TMEM132C: variants seen among roughly 807,000 people sequenced by gnomAD.
TMEM132C encodes protein phosphatase 1, regulatory subunit 152.
Under a neutral mutation model 61.4 loss-of-function variants are expected in TMEM132C, and 29 were observed. That is an observed-to-expected ratio of 0.47 (90% CI 0.35 to 0.64). TMEM132C has a LOEUF of 0.64. Among genes scored for constraint, TMEM132C ranks in the 30% least tolerant of loss-of-function variants. The pLI, the probability that TMEM132C is intolerant of heterozygous loss-of-function variation, is 0.00. For missense variants in TMEM132C, 1,408 were observed against 1,476.9 expected (o/e 0.95, Z 0.76); for synonymous variants, 656 against 633.1 (o/e 1.04, Z -0.54).
At chr12:128,614,356 G>C (rs181582974) in intron 3 of TMEM132C, among the ~76,000 whole-genome samples, 38 of 152,270 alleles carry the variant, frequency 2.5e-4, no homozygotes, top group African/African-American at 9.1e-4. Context: ...AAATATCCAA[G>C]GCTGTGCTCC....
chr12:128,495,743 G>A (rs1420497508), intron 2 of TMEM132C, among the ~76,000 whole-genome samples: 2 of 152,062 alleles, frequency 1.3e-5, no homozygotes, highest in Non-Finnish European at 2.9e-5. Flanking sequence ...CGTGAGATGG[G>A]TTTCCTGAAT....
chr12:128,487,006 T>C (rs541847430), intron 2 of TMEM132C, among the ~76,000 whole-genome samples: 18 of 152,064 alleles, frequency 1.2e-4, no homozygotes, highest in Non-Finnish European at 2.4e-4. Flanking sequence ...AGGCTGTAAA[T>C]TGCTACTCTG....
intron 3 of TMEM132C, among the ~76,000 whole-genome samples, chr12:128,572,430 T>C (rs1874925390): frequency 6.6e-6 from 1 of 151,690 alleles, no homozygotes; most frequent in African/African-American, 2.4e-5. Flanking sequence ...TGGCCTCTGA[T>C]TGGCTGGGCC....
intron 4 of TMEM132C, among the ~76,000 whole-genome samples, chr12:128,653,814 A>G (rs7315371): frequency 0.16 from 24,604 of 152,116 alleles, 3,109 homozygotes; most frequent in African/African-American, 0.35. Flanking sequence ...TTACTGCTAT[A>G]ATGGTGCTGA....
At chr12:128,612,980 G>T (rs114044362) in intron 3 of TMEM132C, among the ~76,000 whole-genome samples, 3,240 of 152,168 alleles carry the variant, frequency 0.021, 95 homozygotes, top group African/African-American at 0.074. Context: ...CTTCTATATG[G>T]TGCCTCTGAG....
chr12:128,562,240 C>T (rs879604873), intron 3 of TMEM132C, among the ~76,000 whole-genome samples: 20 of 152,112 alleles, frequency 1.3e-4, no homozygotes, highest in African/African-American at 2.7e-4. Flanking sequence ...CAGGAGAAAA[C>T]GTAGCAACAC....
intron 1 of TMEM132C, among the ~76,000 whole-genome samples, chr12:128,289,953 G>A (rs1030787512): frequency 6.6e-6 from 1 of 152,174 alleles, no homozygotes; most frequent in African/African-American, 2.4e-5. Flanking sequence ...CCCTGATGAA[G>A]ATGGGCAGGC....
intron 1 of TMEM132C, among the ~76,000 whole-genome samples, chr12:128,367,366 A>G (rs543811277): frequency 2.0e-4 from 31 of 152,206 alleles, no homozygotes; most frequent in Non-Finnish European, 4.1e-4. Context: ...TCATTATGCA[A>G]AATGGTCACC....
chr12:128,415,212 G>A lies in TMEM132C; in HGVS notation c.566G>A (p.Gly189Glu). The change falls in exon 2 of 9, where the codon GGG (glycine) becomes GAG (glutamate). Residue 189 changes from glycine (G) to glutamate (E), a missense_variant. Coordinates refer to ENST00000435159, the MANE Select transcript of TMEM132C (RefSeq NM_001136103.3). This position sits in a 1 kb window ranked among gnomAD's most constrained non-coding sequence, Gnocchi z 5.8. ...REVRGSCRLK[G>E]DLGLCVAELE... ...GTGCGGGGCAGCTGCCGGCTGAAGGGGGACCTGGGGCTGTGTGTGGCTGAG... is the reference window on the plus strand; with the variant it reads ...GTGCGGGGCAGCTGCCGGCTGAAGGAGGACCTGGGGCTGTGTGTGGCTGAG... The A allele has an allele frequency of 1.2e-6, 2 of 1,610,416 alleles. No homozygotes were observed. Among genetic ancestry groups the A allele is most frequent in the Admixed American group, 1.7e-5 (1 of 59,712 alleles).
At chr12:128,430,366 T>G (rs1406790030) in intron 2 of TMEM132C, among the ~76,000 whole-genome samples, 4 of 152,224 alleles carry the variant, frequency 2.6e-5, no homozygotes, top group African/African-American at 4.8e-5. Flanking sequence ...GAATAATCCC[T>G]GAGCAGACAA....
chr12:128,529,153 TATTA>T (rs1378147068), intron 2 of TMEM132C, among the ~76,000 whole-genome samples: 33 of 151,538 alleles, frequency 2.2e-4, no homozygotes, highest in Admixed American at 5.9e-4. Context: ...AATATTTTAT[TATTA>T]ATTAATTAGT....
At chr12:128,440,825 G>A (rs1334473329) in intron 2 of TMEM132C, among the ~76,000 whole-genome samples, 1 of 152,142 alleles carries the variant, frequency 6.6e-6, no homozygotes, top group Non-Finnish European at 1.5e-5. Context: ...GAGGTGGGCA[G>A]AAAACTTGAG....
rs73436620 is a variant in TMEM132C, at chr12:128,383,386, G to A, written c.86-31346G>A. On this transcript the variant is annotated intron_variant, in intron 1 of 8. Coordinates refer to ENST00000435159, the MANE Select transcript of TMEM132C (RefSeq NM_001136103.3). ...CCACAAGCAGTGAAATCAACTTCAC[G>A]TGGAAACACGCTCCGGGTGCTAAGG... 1.6e-3 allele frequency among the ~76,000 whole-genome samples: 240 copies of A among 152,314 alleles called. 1 individual carries two copies. The highest frequency in any genetic ancestry group is 5.2e-3 in the African/African-American group (218 of 41,570).
At chr12:128,294,786 C>T (rs1460117499) in intron 1 of TMEM132C, among the ~76,000 whole-genome samples, 3 of 152,130 alleles carry the variant, frequency 2.0e-5, no homozygotes, top group African/African-American at 4.8e-5. Flanking sequence ...CCCGTGACCT[C>T]ATCACCTCCC....
At chr12:128,589,447 A>G (rs1875671913) in intron 3 of TMEM132C, among the ~76,000 whole-genome samples, 2 of 151,420 alleles carry the variant, frequency 1.3e-5, no homozygotes, top group South Asian at 4.2e-4. Context: ...CCCACTGTGC[A>G]CTGGCCTCTG....
intron 1 of TMEM132C, among the ~76,000 whole-genome samples, chr12:128,332,487 G>A (rs1030211279): frequency 6.6e-6 from 1 of 152,200 alleles, no homozygotes; most frequent in Non-Finnish European, 1.5e-5. Context: ...GAGCCACAGT[G>A]GTTTTCTTGG....
At chr12:128,686,691 T>G (rs1954679768) in intron 5 of TMEM132C, among the ~76,000 whole-genome samples, 1 of 152,176 alleles carries the variant, frequency 6.6e-6, no homozygotes, top group Admixed American at 6.5e-5. Flanking sequence ...ACGTACTTAT[T>G]GAGCATCCAC....
At chr12:128,701,453 G>A (rs936063230) in intron 8 of TMEM132C, among the ~76,000 whole-genome samples, 23 of 152,308 alleles carry the variant, frequency 1.5e-4, no homozygotes, top group South Asian at 4.1e-4. Flanking sequence ...GAATGTATCA[G>A]TTCATGTCCA....
chr12:128,325,472 G>A (rs760339777), intron 1 of TMEM132C, among the ~76,000 whole-genome samples: 1 of 152,048 alleles, frequency 6.6e-6, no homozygotes. Context: ...TTATATGCCT[G>A]TATAAATGTA....
Sources: allele counts gnomAD v4.1 joint callset (sites outside exome capture counted in the v4.1 genomes callset), GRCh38; gene constraint gnomAD v4.1.1; non-coding constraint Gnocchi (gnomAD v3.1); transcripts MANE v1.5; gene names NCBI Gene and HGNC (gene_info 2026-07-23, HGNC 2026-07-21).